Variants in PLPPR1 observed in about 807,000 individuals in gnomAD.
PLPPR1 encodes phospholipid phosphatase related 1, also known as phospholipid phosphatase-related protein type 1.
Under a neutral mutation model 33.1 loss-of-function variants are expected in PLPPR1, and 10 were observed. That is an observed-to-expected ratio of 0.30 (90% CI 0.19 to 0.51). PLPPR1 has a LOEUF of 0.51. Among genes scored for constraint, PLPPR1 ranks in the 20% least tolerant of loss-of-function variants. PLPPR1 has a pLI of 0.97. For missense variants in PLPPR1, 304 were observed against 408.1 expected, an observed-to-expected ratio of 0.74 and a Z score of 2.20; for synonymous variants, 151 against 151.0, an observed-to-expected ratio of 1.00 and a Z score of 0.00.
intron 1 of PLPPR1, among the ~76,000 whole-genome samples, chr9:101,080,283 T>C (rs951341720): frequency 1.3e-5 from 2 of 152,188 alleles, no homozygotes; most frequent in African/African-American, 4.8e-5. Flanking sequence ...GGCTCATGCC[T>C]GTAATTCCAG....
chr9:101,077,759 T>C (rs111786402), intron 1 of PLPPR1, among the ~76,000 whole-genome samples: 5,891 of 152,002 alleles, frequency 0.039, 175 homozygotes, highest in East Asian at 0.079. Context: ...AGGAACCCCC[T>C]TATATGACCT....
At chr9:101,249,621 G>T (rs542654628) in intron 2 of PLPPR1, among the ~76,000 whole-genome samples, 3 of 152,048 alleles carry the variant, frequency 2.0e-5, no homozygotes, top group East Asian at 3.9e-4. Context: ...ATGGCAGCCC[G>T]GTTAGGTGTG....
At chr9:101,227,414 G>GT (rs1827094260) in intron 2 of PLPPR1, among the ~76,000 whole-genome samples, 1 of 152,090 alleles carries the variant, frequency 6.6e-6, no homozygotes, top group South Asian at 2.1e-4. Context: ...GATGTTGAAC[G>GT]TTTTTTCATA....
chr9:101,250,349 C>CCT (rs1446867069), intron 2 of PLPPR1, among the ~76,000 whole-genome samples: 9 of 152,014 alleles, frequency 5.9e-5, no homozygotes. Flanking sequence ...CAAAGAGCAC[C>CCT]CTCTTATGCT....
At chr9:101,117,697 T>C (rs1254593565) in intron 1 of PLPPR1, among the ~76,000 whole-genome samples, 1 of 151,554 alleles carries the variant, frequency 6.6e-6, no homozygotes, top group Non-Finnish European at 1.5e-5. Context: ...AAATCACACA[T>C]GTGAAAGAAA....
chr9:101,221,530 A>G (rs1458615868), intron 2 of PLPPR1, among the ~76,000 whole-genome samples: 1 of 152,124 alleles, frequency 6.6e-6, no homozygotes, highest in Non-Finnish European at 1.5e-5. Context: ...TTCATTCTTC[A>G]AGGGGAAAAG....
At chr9:101,116,147 G>T (rs1404945740) in intron 1 of PLPPR1, among the ~76,000 whole-genome samples, 2 of 152,150 alleles carry the variant, frequency 1.3e-5, no homozygotes, top group African/African-American at 4.8e-5. Context: ...CAGGCAACCA[G>T]GAAAAAACAT....
intron 2 of PLPPR1, among the ~76,000 whole-genome samples, chr9:101,195,937 A>G (rs1826386448): frequency 1.3e-5 from 2 of 152,230 alleles, no homozygotes; most frequent in Non-Finnish European, 2.9e-5. Context: ...CAACCATTCC[A>G]AGATAATGGC....
intron 1 of PLPPR1, among the ~76,000 whole-genome samples, chr9:101,097,224 T>C (rs1830830084): frequency 6.6e-6 from 1 of 152,134 alleles, no homozygotes; most frequent in Non-Finnish European, 1.5e-5. Context: ...GGTTAGAATT[T>C]GCATTTCTAA....
rs894774248 is a variant in PLPPR1, at chr9:101,238,074, GTATA to G, written c.64-31799_64-31796del. Among the ~76,000 whole-genome samples, 183 of 133,536 alleles carry G rather than the reference GTATA, an allele frequency of 1.4e-3. 3 individuals carry two copies. Among genetic ancestry groups the G allele is most frequent in the Non-Finnish European group, 1.3e-3 (83 of 62,660 alleles). The allele number at this position is 133,536 out of a possible 152,430, so 87.6% of individuals were successfully genotyped here. A position where few individuals can be genotyped will look rare whatever the true frequency, so the allele number is the denominator to read the frequency against. ...ATATAGCCTATATATACGTGTGTGTGTATATATATACATATACATACATATATAT... is the reference window on the plus strand; with the variant it reads ...ATATAGCCTATATATACGTGTGTGTGTATATACATATACATACATATATAT... On this transcript the variant is annotated intron_variant, in intron 2 of 7. Transcript: ENST00000374874.
intron 1 of PLPPR1, among the ~76,000 whole-genome samples, chr9:101,070,768 TTGTC>T (rs1830473583): frequency 6.6e-6 from 1 of 152,148 alleles, no homozygotes; most frequent in Admixed American, 6.6e-5. Context: ...TGTATTTATT[TTGTC>T]TTTCTTTACT....
At chr9:101,315,820 A>G (rs1205559160) in intron 6 of PLPPR1, among the ~76,000 whole-genome samples, 1 of 152,230 alleles carries the variant, frequency 6.6e-6, no homozygotes, top group Non-Finnish European at 1.5e-5. Context: ...CAGAAAAAGA[A>G]GAGCAAACAC....
chr9:101,078,110 GAAGAAGA>G lies in PLPPR1; in HGVS notation c.-46+49010_-46+49016del, dbSNP rs1830564224. 1.5e-3 allele frequency among the ~76,000 whole-genome samples: 17 copies of G among 11,632 alleles called. 3 individuals carry two copies. The highest frequency in any genetic ancestry group is 3.5e-3 in the African/African-American group (10 of 2,876). The allele number at this position is 11,632 out of a possible 152,430, so 7.6% of individuals were successfully genotyped here. A position where few individuals can be genotyped will look rare whatever the true frequency, so the allele number is the denominator to read the frequency against. On this transcript the variant is annotated intron_variant, in intron 1 of 7. Coordinates refer to ENST00000374874, the MANE Select transcript of PLPPR1 (RefSeq NM_207299.2). The stretch of plus-strand genomic sequence containing the variant: ...AGGAGGAGAAGGAGAAGGAGAAGAA[GAAGAAGA>G]AGAAGAAGAAGAAGAAGAAGAAGAA...
chr9:101,116,174 G>A (rs1303917877), intron 1 of PLPPR1, among the ~76,000 whole-genome samples: 1 of 152,182 alleles, frequency 6.6e-6, no homozygotes, highest in Non-Finnish European at 1.5e-5. Context: ...AAGAGTACAG[G>A]CTCTGAGAGA....
At chr9:101,305,655 C>G (rs1404379613) in intron 4 of PLPPR1, among the ~76,000 whole-genome samples, 1 of 152,126 alleles carries the variant, frequency 6.6e-6, no homozygotes, top group Non-Finnish European at 1.5e-5. Flanking sequence ...TGGTTCTGTA[C>G]TTTTCCCAGT....
chr9:101,207,365 A>G (rs1243063758), intron 2 of PLPPR1, among the ~76,000 whole-genome samples: 4 of 152,246 alleles, frequency 2.6e-5, no homozygotes, highest in African/African-American at 7.2e-5. Flanking sequence ...TTGTACCTAA[A>G]TTGGAAGAAC....
chr9:101,185,112 T>G (rs1287733394), intron 1 of PLPPR1: 1 of 170,082 alleles, frequency 5.9e-6, no homozygotes, highest in Non-Finnish European at 1.2e-5. Context: ...AAAAAAAGTT[T>G]TATACCAAAA....
chr9:101,294,502 A>C (rs1373524058), intron 4 of PLPPR1, among the ~76,000 whole-genome samples: 1 of 152,176 alleles, frequency 6.6e-6, no homozygotes, highest in Non-Finnish European at 1.5e-5. Flanking sequence ...ACAACAAAAA[A>C]AGAGAATTTT....
At chr9:101,286,065 G>C in intron 3 of PLPPR1, 39 bp from the exon 4 acceptor site, 1 of 1,586,196 alleles carries the variant, frequency 6.3e-7, no homozygotes, top group African/African-American at 1.3e-5. Flanking sequence ...TTATCAAACA[G>C]ATCTCCAACT....
Sources: gnomAD v4.1 joint callset for allele counts (sites outside exome capture counted in the v4.1 genomes callset) on GRCh38, gnomAD v4.1.1 for gene constraint, MANE v1.5 for transcripts, NCBI Gene and HGNC (gene_info 2026-07-23, HGNC 2026-07-21) for gene names.